PARP1: variants seen among roughly 807,000 people sequenced by gnomAD.
PARP1 encodes poly(ADP-ribose) polymerase 1, also known as poly [ADP-ribose] polymerase 1.
PARP1 carries 44 observed loss-of-function variants against 118.7 expected under a neutral mutation model. The ratio of observed to expected loss-of-function variants is 0.37; its 90% CI spans 0.29 to 0.48. The LOEUF is 0.48. Among genes scored for constraint, PARP1 ranks in the 20% least tolerant of loss-of-function variants. PARP1 has a pLI of 0.99. For synonymous variants in PARP1, 492 were observed against 483.2 expected, an observed-to-expected ratio of 1.02 and a Z score of -0.24; for missense variants, 1,100 against 1,272.4, an observed-to-expected ratio of 0.86 and a Z score of 2.06.
At chr1:226,366,237 A>T in intron 17 of PARP1, 185 bp from the exon 18 acceptor site, 1 of 611,852 alleles carries the variant, frequency 1.6e-6, no homozygotes, top group South Asian at 1.8e-5. Context: ...CCACTTACCT[A>T]AGCCTCCACC....
At chr1:226,362,156 T>A in intron 21 of PARP1, 73 bp from the exon 22 acceptor site, 1 of 835,798 alleles carries the variant, frequency 1.2e-6, no homozygotes, top group Non-Finnish European at 2.1e-6. Context: ...AGATGAGCTC[T>A]ATTTGATGTT....
chr1:226,391,294 T>C (rs535145572), intron 3 of PARP1, among the ~76,000 whole-genome samples: 1 of 152,154 alleles, frequency 6.6e-6, no homozygotes, highest in South Asian at 2.1e-4. Context: ...CACCCTCCTA[T>C]GGCCTCCTTA....
chr1:226,400,199 T>G (rs1665004974), intron 2 of PARP1, among the ~76,000 whole-genome samples: 1 of 151,270 alleles, frequency 6.6e-6, no homozygotes, highest in Admixed American at 6.6e-5. Context: ...CTCGGGAGGC[T>G]GAGGCAGGAG....
chr1:226,363,926 G>C lies in PARP1; in HGVS notation c.2786+17C>G. On this transcript the variant is annotated intron_variant, in intron 20 of 22. Transcript: ENST00000366794. ...TCCCCATGAAATGCCATCAGTCCCAGAGCCAGGTTTACTCACATGTTTCCA... is the reference window on the plus strand; with the variant it reads ...TCCCCATGAAATGCCATCAGTCCCACAGCCAGGTTTACTCACATGTTTCCA... 1 of 1,613,312 alleles carries C rather than the reference G, an allele frequency of 6.2e-7. No individual in the cohort carries two copies. Among genetic ancestry groups the C allele is most frequent in the Non-Finnish European group, 8.5e-7 (1 of 1,179,866 alleles).
At chr1:226,400,110 A>C (rs1665000920) in intron 2 of PARP1, among the ~76,000 whole-genome samples, 1 of 152,138 alleles carries the variant, frequency 6.6e-6, no homozygotes, top group South Asian at 2.1e-4. Context: ...GATACAAGAC[A>C]CCTCTCAATG....
chr1:226,362,936 C>A (rs189120098), intron 21 of PARP1, among the ~76,000 whole-genome samples, 163 bp downstream of exon 21: 7 of 151,936 alleles, frequency 4.6e-5, no homozygotes, highest in African/African-American at 1.2e-4. Flanking sequence ...CCACCACCCC[C>A]CAAACAACAA....
intron 15 of PARP1, 107 bp from the exon 16 acceptor site, chr1:226,368,428 C>T (rs2102729058): frequency 6.3e-6 from 9 of 1,428,090 alleles, no homozygotes; most frequent in South Asian, 4.7e-5. Context: ...CCAGAAGTAG[C>T]GTGGTATGTG....
Position 226,383,191 on chromosome 1 carries a change from ATAT to A in PARP1, c.1012-11_1012-9del. On this transcript the variant is annotated splice_polypyrimidine_tract_variant and intron_variant, in intron 7 of 22. Coordinates refer to ENST00000366794, the MANE Select transcript of PARP1 (RefSeq NM_001618.4). Reference sequence around the variant, plus strand: ...AGAGATTTCTCGGAATTCCTAAAAAATATTAAGTTTTAGTTAAGAAGCCAGCTC... The same window carrying A: ...AGAGATTTCTCGGAATTCCTAAAAAATAAGTTTTAGTTAAGAAGCCAGCTC... 1.2e-6 allele frequency: 2 copies of A among 1,612,114 alleles called. No individual in the cohort carries two copies. Among genetic ancestry groups the A allele is most frequent in the Non-Finnish European group, 1.7e-6 (2 of 1,178,754 alleles).
At chr1:226,404,294 T>A (rs1465824548) in intron 1 of PARP1, among the ~76,000 whole-genome samples, 3 of 152,236 alleles carry the variant, frequency 2.0e-5, no homozygotes, top group African/African-American at 7.2e-5. Context: ...AGCATACTCA[T>A]GTTCCAACTC....
intron 11 of PARP1, 102 bp downstream of exon 11, chr1:226,379,471 A>C (rs2271345): frequency 0.15 from 169,770 of 1,145,100 alleles, 13,733 homozygotes; most frequent in South Asian, 0.19. Flanking sequence ...AGGCACGACC[A>C]CACTGCCCCA....
intron 2 of PARP1, among the ~76,000 whole-genome samples, chr1:226,394,542 G>A (rs1664877824): frequency 6.6e-6 from 1 of 152,210 alleles, no homozygotes; most frequent in Admixed American, 6.5e-5. Flanking sequence ...AGAAATAACT[G>A]TACAGGTGCG....
intron 5 of PARP1, among the ~76,000 whole-genome samples, chr1:226,387,261 G>A (rs1306709185): frequency 6.6e-6 from 1 of 152,166 alleles, no homozygotes; most frequent in East Asian, 1.9e-4. Flanking sequence ...GGGATTACAG[G>A]TGCTCAAGCC....
rs1467769120 is a variant in PARP1 at position 226,381,049 on chromosome 1, A to G, written c.1300+19T>C. ...TACAGAAGCATTGTCCCTGTTGCAC[A>G]AATTCAGATTCAACTCACTTTTGGT... On this transcript the variant is annotated intron_variant, in intron 9 of 22. Transcript: ENST00000366794. 2 of 1,614,076 alleles carry G rather than the reference A, an allele frequency of 1.2e-6. No homozygotes were observed. Among genetic ancestry groups the G allele is most frequent in the Admixed American group, 1.7e-5 (1 of 60,024 alleles).
In PARP1 at chr1:226,399,189, C is replaced by T. The variant is rs546545561; in HGVS notation, c.286+3025G>A. On this transcript the variant is annotated intron_variant, in intron 2 of 22. Coordinates refer to ENST00000366794, the MANE Select transcript of PARP1 (RefSeq NM_001618.4). ...CCCAGTACAACCAATTCTCCTGTCTCGGCCTCCCGAGTAGCTGGGACTACA... is the reference window on the plus strand; with the variant it reads ...CCCAGTACAACCAATTCTCCTGTCTTGGCCTCCCGAGTAGCTGGGACTACA... 2.7e-5 allele frequency among the ~76,000 whole-genome samples: 4 copies of T among 150,706 alleles called. No homozygotes were observed. In the South Asian group the frequency reaches 6.3e-4, roughly 24 times the overall value.
intron 2 of PARP1, among the ~76,000 whole-genome samples, chr1:226,398,498 C>G (rs1664967672): frequency 6.7e-6 from 1 of 148,672 alleles, no homozygotes; most frequent in African/African-American, 2.5e-5. Context: ...CCACTGCACT[C>G]TAGCCTGGGC....
At chr1:226,382,736 C>G (rs1664641395) in intron 8 of PARP1, among the ~76,000 whole-genome samples, 1 of 152,180 alleles carries the variant, frequency 6.6e-6, no homozygotes, top group African/African-American at 2.4e-5. Context: ...CCAGGTTGGT[C>G]TCAAACTCCT....
chr1:226,393,091 T>G (rs866542134), intron 2 of PARP1: 3 of 1,021,948 alleles, frequency 2.9e-6, no homozygotes, highest in Middle Eastern at 6.4e-4. Context: ...CTAAGAGATA[T>G]CTTAAGAAAT....
rs944829677 is a variant in PARP1 at position 226,368,435 on chromosome 1, T to C, written c.2155-114A>G. The C allele has an allele frequency of 3.0e-6, 4 of 1,342,940 alleles. No individual in the cohort carries two copies. In the African/African-American group the frequency reaches 5.7e-5, roughly 19 times the overall value. 83.2% of individuals were successfully genotyped at this position (1,342,940 alleles called of 1,614,324 possible). On this transcript the variant is annotated intron_variant, in intron 15 of 22. Coordinates refer to ENST00000366794, the MANE Select transcript of PARP1 (RefSeq NM_001618.4). ...CAGCAGGTCCAGAAGTAGCGTGGTA[T>C]GTGCACATGCCAGGACACATGGGAA...
chr1:226,388,691 T>G lies in PARP1; in HGVS notation c.682A>C (p.Lys228Gln), dbSNP rs1408297780. Residue 228 changes from lysine (K) to glutamine (Q), a missense_variant, in exon 5 of 23, where the codon AAA (lysine) becomes CAA (glutamine). Transcript: ENST00000366794. ...EVAKKKSKKEKDKDSKLEKAL... is the reference protein window; with the variant it reads ...EVAKKKSKKEQDKDSKLEKAL... ...TTTTCAAGCTTACTATCCTTGTCTT[T>G]TTCTTTTTTAGATTTCTTCTTCGCC... 1 of 1,614,128 alleles carries G rather than the reference T, an allele frequency of 6.2e-7. No individual in the cohort carries two copies.
Sources: gnomAD v4.1 joint callset for allele counts (sites outside exome capture counted in the v4.1 genomes callset) on GRCh38, gnomAD v4.1.1 for gene constraint, MANE v1.5 for transcripts, NCBI Gene and HGNC (gene_info 2026-07-23, HGNC 2026-07-21) for gene names.